Variants in SLITRK1 observed in about 807,000 individuals in gnomAD.
The protein encoded by SLITRK1 is SLIT and NTRK-like protein 1.
Under a neutral mutation model 42.4 loss-of-function variants are expected in SLITRK1, and 10 were observed. The observed-to-expected ratio is 0.24, with a 90% CI of 0.15 to 0.40. The LOEUF (loss-of-function observed/expected upper bound fraction) is 0.40, where lower values mean the gene tolerates loss of function less well. Among genes scored for constraint, SLITRK1 ranks in the 10% least tolerant of loss-of-function variants. SLITRK1 has a pLI of 1.00. For missense variants in SLITRK1, 778 were observed against 848.8 expected, an observed-to-expected ratio of 0.92 and a Z score of 1.04; for synonymous variants, 389 against 365.7, an observed-to-expected ratio of 1.06 and a Z score of -0.73.
Position 83,880,323 on chromosome 13 carries a change from A to G in SLITRK1, c.1185T>C (p.Phe395=), listed in dbSNP as rs921540492. ...ACAGAATGAGGTTCTTGTAATCCAC[A>G]AAGTGCGATTTTCGGATGCTGTGGA... The part of the protein sequence containing the change: ...NKIHSIRKSH[F]VDYKNLILLD... Residue 395 remains phenylalanine, a synonymous_variant, in exon 2 of 2, where the codon TTT becomes TTC. Transcript: ENST00000674365. The G allele has an allele frequency of 3.7e-6, 6 of 1,613,896 alleles. No individual in the cohort carries two copies. The African/African-American group carries it at 6.7e-5, about 18-fold the overall frequency.
Position 83,880,741 on chromosome 13 carries a change from G to A in SLITRK1, c.767C>T (p.Thr256Ile). The change falls in exon 2 of 2, where the codon ACC (threonine) becomes ATC (isoleucine). Residue 256 changes from threonine to isoleucine, a missense_variant. Physicochemically the swap from Thr to Ile is moderately conservative, Grantham distance 89. This residue lies in a region of SLITRK1 where 395 missense variants were observed against 360.4 expected (regional missense o/e 1.10). Transcript: ENST00000674365. ...RLQGKDLNET[T>I]EQDLCPLKNR... ...TTTCAAAGGACACAAGTCCTGTTCGGTGGTTTCATTGAGGTCTTTACCCTG... is the reference window on the plus strand; with the variant it reads ...TTTCAAAGGACACAAGTCCTGTTCGATGGTTTCATTGAGGTCTTTACCCTG... The A allele has an allele frequency of 6.2e-7, 1 of 1,614,174 alleles. No individual in the cohort carries two copies.
Position 83,879,486 on chromosome 13 carries a change from G to A in SLITRK1, c.2022C>T (p.His674=). ...LQTVCDSSYW[H]NGPYNADGAH... is the part of the protein sequence containing the mutation. ...CCCCATCTGCGTTGTAAGGCCCATT[G>A]TGCCAGTAGGAAGAGTCACAGACTG... Residue 674 remains histidine (H), a synonymous_variant, in exon 2 of 2, where the codon CAC becomes CAT. Transcript: ENST00000674365. 1.2e-6 allele frequency: 2 copies of A among 1,614,098 alleles called. No individual in the cohort carries two copies. Among genetic ancestry groups the A allele is most frequent in the Non-Finnish European group, 1.7e-6 (2 of 1,180,038 alleles).
In SLITRK1 at chr13:83,880,950, A is replaced by G. The variant is rs1884801377; in HGVS notation, c.558T>C (p.Gly186=). 6.2e-7 allele frequency: 1 copy of G among 1,613,712 alleles called. No homozygotes were observed. The highest frequency in any genetic ancestry group is 8.5e-7 in the Non-Finnish European group (1 of 1,179,978). The change falls in exon 2 of 2, where the codon GGT becomes GGC. Residue 186 remains glycine, a synonymous_variant. Transcript: ENST00000674365. ...YVPITHLDLR[G]NRLKTLPYEE... is the part of the protein sequence containing the mutation. Reference sequence around the variant, plus strand: ...CATAGGGCAGCGTTTTCAGCCTGTTACCCCGGAGGTCGAGGTGGGTGATGG... The same window carrying G: ...CATAGGGCAGCGTTTTCAGCCTGTTGCCCCGGAGGTCGAGGTGGGTGATGG...
Position 83,879,877 on chromosome 13 carries a change from G to A in SLITRK1, c.1631C>T (p.Ala544Val), listed in dbSNP as rs1190598402. The A allele has an allele frequency of 1.4e-5, 22 of 1,613,996 alleles. No homozygotes were observed. The highest frequency in any genetic ancestry group is 1.8e-5 in the Non-Finnish European group (21 of 1,180,042). Residue 544 changes from alanine to valine, a missense_variant, in exon 2 of 2, where the codon GCA (alanine) becomes GTA (valine). By Grantham distance (64) the Ala-to-Val change is moderately conservative. Around this residue, in one of 4 missense-constraint regions of SLITRK1, gnomAD observed 15 missense variants for 35.0 expected, o/e 0.43. Coordinates refer to ENST00000674365, the MANE Select transcript of SLITRK1 (RefSeq NM_001281503.2). The part of the protein sequence containing the change: ...SCTIVPFKQW[A>V]ERLGSEVLMS... Reference sequence around the variant, plus strand: ...CAGCACTTCGGAACCCAAGCGTTCTGCCCACTGCTTGAAAGGCACAATTGT... The same window carrying A: ...CAGCACTTCGGAACCCAAGCGTTCTACCCACTGCTTGAAAGGCACAATTGT...
Position 83,879,447 on chromosome 13 carries a change from A to G in SLITRK1, c.2061T>C (p.Tyr687=). 6.2e-7 allele frequency: 1 copy of G among 1,613,684 alleles called. No homozygotes were observed. The highest frequency in any genetic ancestry group is 8.5e-7 in the Non-Finnish European group (1 of 1,180,004). Residue 687 remains tyrosine (Y), a synonymous_variant, in exon 2 of 2, where the codon TAT becomes TAC. Coordinates refer to ENST00000674365, the MANE Select transcript of SLITRK1 (RefSeq NM_001281503.2). ...PYNADGAHRV[Y]DCGSHSLSD is the part of the protein sequence containing the mutation. ...CTGAGAGCGAGTGAGAGCCACAGTC[A>G]TACACTCTGTGGGCCCCATCTGCGT...
In SLITRK1 at chr13:83,879,459, G is replaced by A. The variant is rs1226169934; in HGVS notation, c.2049C>T (p.Ala683=). Residue 683 remains alanine (A), a synonymous_variant, in exon 2 of 2, where the codon GCC becomes GCT. Transcript: ENST00000674365. ...WHNGPYNADG[A]HRVYDCGSHS... ...GAGAGCCACAGTCATACACTCTGTGGGCCCCATCTGCGTTGTAAGGCCCAT... is the reference window on the plus strand; with the variant it reads ...GAGAGCCACAGTCATACACTCTGTGAGCCCCATCTGCGTTGTAAGGCCCAT... The A allele has an allele frequency of 2.5e-6, 4 of 1,613,790 alleles. No individual in the cohort carries two copies. Among genetic ancestry groups the A allele is most frequent in the Non-Finnish European group, 3.4e-6 (4 of 1,180,002 alleles).
In SLITRK1 at chr13:83,878,283, A is replaced by G. The variant is rs3737193; in HGVS notation, c.*1134T>C. On this transcript the variant is annotated 3_prime_UTR_variant, in exon 2 of 2. Transcript: ENST00000674365. ...TTTAATACTGAAAAAATATGCCATTATAAAATCCTCGAATAGAATTAGTAA... is the reference window on the plus strand; with the variant it reads ...TTTAATACTGAAAAAATATGCCATTGTAAAATCCTCGAATAGAATTAGTAA... The G allele has an allele frequency of 0.028, 4,213 of 152,682 alleles. 107 individuals carry two copies. The highest frequency in any genetic ancestry group is 0.073 in the Admixed American group (1,120 of 15,272). 9.5% of individuals were successfully genotyped at this position (152,682 alleles called of 1,614,324 possible). A position where few individuals can be genotyped will look rare whatever the true frequency, so the allele number is the denominator to read the frequency against.
rs960991824 is a variant in SLITRK1 at position 83,881,400 on chromosome 13, C to G, written c.108G>C (p.Gly36=). 5 of 1,613,704 alleles carry G rather than the reference C, an allele frequency of 3.1e-6. No homozygotes were observed. Among genetic ancestry groups the G allele is most frequent in the Non-Finnish European group, 4.2e-6 (5 of 1,179,936 alleles). ...TTTTTTCACAGTCTACGTGTAGGTC[C>G]CCTTCTATCTCATTGCAGGAACAGA... The part of the protein sequence containing the change: ...EKICSCNEIE[G]DLHVDCEKKG... Residue 36 remains glycine, a synonymous_variant, in exon 2 of 2, where the codon GGG becomes GGC. Transcript: ENST00000674365.
Position 83,879,688 on chromosome 13 carries a change from T to C in SLITRK1, c.1820A>G (p.Asn607Ser), listed in dbSNP as rs375086682. The C allele has an allele frequency of 6.8e-6, 11 of 1,612,386 alleles. No homozygotes were observed. Among genetic ancestry groups the C allele is most frequent in the East Asian group, 2.2e-5 (1 of 44,816 alleles). The change falls in exon 2 of 2, where the codon AAC becomes AGC. Residue 607 changes from asparagine to serine, a missense_variant. Coordinates refer to ENST00000674365, the MANE Select transcript of SLITRK1 (RefSeq NM_001281503.2). ...CACCCTGCTGGTGTCTAGGTAGGAG[T>C]TGGAGTGCGTCCCGGTCTCCGCCAA... ...TGLAETGTHS[N>S]SYLDTSRVSI...
At position 83,880,490 on chromosome 13, in the gene SLITRK1, G is replaced by T. The variant is rs1389866630; in HGVS notation, c.1018C>A (p.Pro340Thr). ...SRNKPLANSL[P>T]CPGGCSCDHI... is the part of the protein sequence containing the mutation. ...TCGCAGCTGCAGCCCCCAGGGCAGGGTAAACTGTTAGCTAAGGGTTTGTTC... is the reference window on the plus strand; with the variant it reads ...TCGCAGCTGCAGCCCCCAGGGCAGGTTAAACTGTTAGCTAAGGGTTTGTTC... Residue 340 changes from proline to threonine, a missense_variant, in exon 2 of 2, where the codon CCC becomes ACC. Pro to Thr is a conservative substitution (Grantham distance 38, BLOSUM62 -1). This residue lies in a region of SLITRK1 where 395 missense variants were observed against 360.4 expected (regional missense o/e 1.10). Coordinates refer to ENST00000674365, the MANE Select transcript of SLITRK1 (RefSeq NM_001281503.2). The T allele has an allele frequency of 6.2e-7, 1 of 1,613,952 alleles. No homozygotes were observed. The highest frequency in any genetic ancestry group is 8.5e-7 in the Non-Finnish European group (1 of 1,180,018).
chr13:83,880,295 C>G lies in SLITRK1; in HGVS notation c.1213G>C (p.Asp405His). 6.2e-7 allele frequency: 1 copy of G among 1,613,914 alleles called. No homozygotes were observed. The highest frequency in any genetic ancestry group is 8.5e-7 in the Non-Finnish European group (1 of 1,180,010). ...FVDYKNLILL[D>H]LGNNNIATVE... ...GTAGCGATGTTATTGTTGCCCAGAT[C>G]CAACAGAATGAGGTTCTTGTAATCC... Residue 405 changes from aspartate (D) to histidine (H), a missense_variant, in exon 2 of 2, where the codon GAT becomes CAT. Asp to His is a moderately conservative substitution (Grantham distance 81). Around this residue, in one of 4 missense-constraint regions of SLITRK1, gnomAD observed 395 missense variants for 360.4 expected, o/e 1.10. Transcript: ENST00000674365.
In SLITRK1 at chr13:83,878,109, G is replaced by A. The variant is rs982655469; in HGVS notation, c.*1308C>T. The A allele has an allele frequency of 6.6e-6, 1 of 152,038 alleles. No individual in the cohort carries two copies. The highest frequency in any genetic ancestry group is 2.4e-5 in the African/African-American group (1 of 41,316). 9.4% of individuals were successfully genotyped at this position (152,038 alleles called of 1,614,324 possible). On this transcript the variant is annotated 3_prime_UTR_variant, in exon 2 of 2. Coordinates refer to ENST00000674365, the MANE Select transcript of SLITRK1 (RefSeq NM_001281503.2). The stretch of plus-strand genomic sequence containing the variant: ...CTTAAAGGGTAAAAAGCTAAGTAAG[G>A]CGATTAGAGAAAGAGCCTTAATGTA...
intron 1 of SLITRK1, 106 bp from the exon 2 acceptor site, chr13:83,881,666 T>A: frequency 1.3e-6 from 1 of 748,152 alleles, no homozygotes; most frequent in African/African-American, 1.9e-5. Context: ...CCTTCCTCCC[T>A]AACCCCCCCG....
Position 83,880,117 on chromosome 13 carries a change from G to A in SLITRK1, c.1391C>T (p.Pro464Leu), listed in dbSNP as rs752731962. The change falls in exon 2 of 2, where the codon CCG (proline) becomes CTG (leucine). Residue 464 changes from proline (P) to leucine (L), a missense_variant. This residue lies in a region of SLITRK1 where 395 missense variants were observed against 360.4 expected (regional missense o/e 1.10). Transcript: ENST00000674365. Reference protein sequence around the residue: ...VEYNAIQLILPGTFNAMPKLR... With the variant: ...VEYNAIQLILLGTFNAMPKLR... ...TTTGGGCATGGCATTGAAAGTGCCC[G>A]GGAGGATGAGCTGGATAGCGTTGTA... 1 of 1,613,968 alleles carries A rather than the reference G, an allele frequency of 6.2e-7. No homozygotes were observed. Among genetic ancestry groups the A allele is most frequent in the Admixed American group, 1.7e-5 (1 of 60,004 alleles).
rs765847555 is a variant in SLITRK1 at position 83,878,403 on chromosome 13, G to T, written c.*1014C>A. ...CCATAGGATCGCAGCCTAAGCACTA[G>T]AGTGACATTAATTGGTCATGCTTAA... On this transcript the variant is annotated 3_prime_UTR_variant, in exon 2 of 2. Transcript: ENST00000674365. 1 of 152,390 alleles carries T rather than the reference G, an allele frequency of 6.6e-6. No individual in the cohort carries two copies. Among genetic ancestry groups the T allele is most frequent in the Non-Finnish European group, 1.5e-5 (1 of 68,010 alleles). The allele number at this position is 152,390 out of a possible 1,614,324, so 9.4% of individuals were successfully genotyped here. A position where few individuals can be genotyped will look rare whatever the true frequency, so the allele number is the denominator to read the frequency against.
In SLITRK1 at chr13:83,879,367, G is replaced by A. The variant is rs746321229; in HGVS notation, c.*50C>T. The A allele has an allele frequency of 1.2e-6, 2 of 1,606,194 alleles. No individual in the cohort carries two copies. Among genetic ancestry groups the A allele is most frequent in the African/African-American group, 1.3e-5 (1 of 74,944 alleles). On this transcript the variant is annotated 3_prime_UTR_variant, in exon 2 of 2. Transcript: ENST00000674365. ...TCCAGCCCCCGGGGTGCCTGCGGTGGGGAAGGATGTATCGCCTTCCCTCTG... is the reference window on the plus strand; with the variant it reads ...TCCAGCCCCCGGGGTGCCTGCGGTGAGGAAGGATGTATCGCCTTCCCTCTG...
rs1379205857 is a variant in SLITRK1, at chr13:83,877,321, T to C, written c.*2096A>G. 1 of 152,190 alleles carries C rather than the reference T, an allele frequency of 6.6e-6. No homozygotes were observed. The highest frequency in any genetic ancestry group is 2.4e-5 in the African/African-American group (1 of 41,460). The allele number at this position is 152,190 out of a possible 1,614,324, so 9.4% of individuals were successfully genotyped here. A position where few individuals can be genotyped will look rare whatever the true frequency, so the allele number is the denominator to read the frequency against. Reference sequence around the variant, plus strand: ...TAGAATATGAGTTCTAGATGGCAGATCTACTTACAACTGCTCTGAGGTCTT... The same window carrying C: ...TAGAATATGAGTTCTAGATGGCAGACCTACTTACAACTGCTCTGAGGTCTT... On this transcript the variant is annotated 3_prime_UTR_variant, in exon 2 of 2. Transcript: ENST00000674365.
rs117961355 is a variant in SLITRK1, at chr13:83,879,989, T to C, written c.1519A>G (p.Met507Val). The C allele has an allele frequency of 1.1e-4, 170 of 1,613,844 alleles. No individual in the cohort carries two copies. The highest frequency in any genetic ancestry group is 1.4e-4 in the Non-Finnish European group (163 of 1,179,960). Residue 507 changes from methionine (M) to valine (V), a missense_variant, in exon 2 of 2, where the codon ATG becomes GTG. Transcript: ENST00000674365. ...AGCACCCCTGCCACCGGGAGGTACA[T>C]GAAGTAATTGTTGTGCAGGCTGAGT... The part of the protein sequence containing the change: ...SKLSLHNNYF[M>V]YLPVAGVLDQ...
intron 1 of SLITRK1, 178 bp downstream of exon 1, chr13:83,881,826 T>C (rs1040045371): frequency 3.1e-6 from 1 of 321,572 alleles, no homozygotes; most frequent in East Asian, 6.6e-5. Context: ...GAAAAAGAAG[T>C]TAAATATATA....
Sources: gnomAD v4.1 joint callset for allele counts on GRCh38, gnomAD v4.1.1 for gene constraint, gnomAD v4.1.1 regional missense constraint, MANE v1.5 for transcripts, NCBI Gene and HGNC (gene_info 2026-07-23, HGNC 2026-07-21) for gene names.